CERS6: variants seen among roughly 807,000 people sequenced by gnomAD.
CERS6 encodes ceramide synthase 6, also known as LAG1 homolog, ceramide synthase 6.
A neutral mutation model predicts 56.8 loss-of-function variants in CERS6; 26 were observed. That is an observed-to-expected ratio of 0.46 (90% CI 0.34 to 0.63). The LOEUF (loss-of-function observed/expected upper bound fraction) is 0.63, where lower values mean the gene tolerates loss of function less well. Ranked by LOEUF, CERS6 falls within the 30% of genes least tolerant of loss-of-function variation. The pLI, the probability that CERS6 is intolerant of heterozygous loss-of-function variation, is 0.01. For synonymous variants in CERS6, 164 were observed against 173.3 expected, an observed-to-expected ratio of 0.95 and a Z score of 0.42; for missense variants, 415 against 467.5, an observed-to-expected ratio of 0.89 and a Z score of 1.04.
chr2:168,509,840 G>A (rs1046648579), intron 1 of CERS6, among the ~76,000 whole-genome samples: 1 of 152,118 alleles, frequency 6.6e-6, no homozygotes, highest in African/African-American at 2.4e-5. Context: ...GCAGGAGGAT[G>A]ACTTGAGGCT....
intron 1 of CERS6, among the ~76,000 whole-genome samples, chr2:168,543,307 C>A (rs185073660): frequency 5.4e-4 from 82 of 152,216 alleles, no homozygotes; most frequent in Non-Finnish European, 1.0e-3. Flanking sequence ...ATAGAGGTAA[C>A]CATCAAAGCT....
intron 8 of CERS6, among the ~76,000 whole-genome samples, chr2:168,729,415 C>T (rs1225570978): frequency 6.6e-6 from 1 of 152,244 alleles, no homozygotes; most frequent in African/African-American, 2.4e-5. Flanking sequence ...TCTCCATCCT[C>T]ACTTCCCATC....
chr2:168,493,129 C>G (rs182646450), intron 1 of CERS6, among the ~76,000 whole-genome samples: 43 of 152,162 alleles, frequency 2.8e-4, no homozygotes, highest in Non-Finnish European at 5.0e-4. Context: ...ATTTTTTATG[C>G]TAAATTTCTG....
At chr2:168,553,089 C>T (rs1348514748) in intron 2 of CERS6, among the ~76,000 whole-genome samples, 1 of 151,860 alleles carries the variant, frequency 6.6e-6, no homozygotes, top group Non-Finnish European at 1.5e-5. Context: ...GTACCAAATC[C>T]ATCACAGAAA....
chr2:168,643,868 C>T (rs1049242574), intron 4 of CERS6, among the ~76,000 whole-genome samples: 6 of 152,188 alleles, frequency 3.9e-5, no homozygotes, highest in East Asian at 1.9e-4. Context: ...TCTGCAGTTT[C>T]TTTTGCCATA....
At chr2:168,608,476 A>G (rs1488057455) in intron 3 of CERS6, among the ~76,000 whole-genome samples, 2 of 152,256 alleles carry the variant, frequency 1.3e-5, no homozygotes, top group African/African-American at 4.8e-5. Flanking sequence ...AAACTTTCTA[A>G]GATACACCAT....
At chr2:168,686,228 C>G (rs1309486640) in intron 4 of CERS6, among the ~76,000 whole-genome samples, 1 of 150,706 alleles carries the variant, frequency 6.6e-6, no homozygotes, top group Non-Finnish European at 1.5e-5. Flanking sequence ...ACTTGGTCTT[C>G]CCTCTGAGCA....
intron 3 of CERS6, among the ~76,000 whole-genome samples, chr2:168,625,995 A>T (rs748225921): frequency 2.3e-4 from 35 of 152,138 alleles, no homozygotes; most frequent in Non-Finnish European, 5.1e-4. Context: ...TTTTAGGTAT[A>T]AAATCAGGAA....
intron 4 of CERS6, among the ~76,000 whole-genome samples, chr2:168,658,649 G>C (rs1685552206): frequency 6.6e-6 from 1 of 152,198 alleles, no homozygotes. Context: ...TTGAGTGTTT[G>C]CCTCCTTTGA....
intron 1 of CERS6, among the ~76,000 whole-genome samples, chr2:168,468,143 T>TG (rs1182922847): frequency 1.3e-5 from 2 of 152,086 alleles, no homozygotes; most frequent in African/African-American, 4.8e-5. Context: ...GTTAAACAAG[T>TG]GGGGGGCCGC....
chr2:168,575,718 A>T (rs1244361612), intron 3 of CERS6, among the ~76,000 whole-genome samples: 1 of 152,082 alleles, frequency 6.6e-6, no homozygotes, highest in African/African-American at 2.4e-5. Context: ...ACAAGTTTTT[A>T]TTCTTTTCCT....
chr2:168,550,422 C>T (rs1695545361), intron 2 of CERS6, among the ~76,000 whole-genome samples: 1 of 152,196 alleles, frequency 6.6e-6, no homozygotes, highest in Non-Finnish European at 1.5e-5. Flanking sequence ...AAGCAATCCT[C>T]CTGCCTCAGC....
intron 8 of CERS6, among the ~76,000 whole-genome samples, chr2:168,746,041 C>A (rs1357110377): frequency 6.6e-6 from 1 of 152,180 alleles, no homozygotes; most frequent in Non-Finnish European, 1.5e-5. Context: ...GGTCAGGAAT[C>A]CCCAGATTCA....
At chr2:168,574,166 A>G (rs1279939342) in intron 3 of CERS6, among the ~76,000 whole-genome samples, 1 of 152,144 alleles carries the variant, frequency 6.6e-6, no homozygotes, top group Non-Finnish European at 1.5e-5. Flanking sequence ...TACTGATTCT[A>G]GTTCTGAAAT....
chr2:168,528,192 A>G (rs755595560), intron 1 of CERS6, among the ~76,000 whole-genome samples: 5 of 152,186 alleles, frequency 3.3e-5, no homozygotes, highest in Non-Finnish European at 7.3e-5. Flanking sequence ...ATTTACTATT[A>G]TAGTATTACA....
chr2:168,679,278 C>T lies in CERS6; in HGVS notation c.466-11756C>T, dbSNP rs543158329. The stretch of plus-strand genomic sequence containing the variant: ...TGCAAAATAGGGCAACTATGCTTAA[C>T]GGTAGGATATTGTATATTACAAAAT... On this transcript the variant is annotated intron_variant, in intron 4 of 9. Coordinates refer to ENST00000305747, the MANE Select transcript of CERS6 (RefSeq NM_203463.3). 1.6e-4 allele frequency among the ~76,000 whole-genome samples: 24 copies of T among 152,184 alleles called. No homozygotes were observed. The South Asian group carries it at 1.7e-3, about 11-fold the overall frequency.
chr2:168,659,344 C>T (rs574341194), intron 4 of CERS6, among the ~76,000 whole-genome samples: 1 of 152,258 alleles, frequency 6.6e-6, no homozygotes, highest in Admixed American at 6.5e-5. Context: ...CTTTTCTCTC[C>T]CTCACACGAT....
chr2:168,579,186 T>A (rs190419150), intron 3 of CERS6, among the ~76,000 whole-genome samples: 1 of 152,302 alleles, frequency 6.6e-6, no homozygotes, highest in Admixed American at 6.5e-5. Flanking sequence ...AAGGGAAAGT[T>A]GTAAAAATTA....
intron 1 of CERS6, among the ~76,000 whole-genome samples, chr2:168,464,171 T>A (rs1271021352): frequency 1.7e-5 from 2 of 115,600 alleles, no homozygotes; most frequent in Non-Finnish European, 3.6e-5. Flanking sequence ...ATATTTATAC[T>A]TTTTGTGTGT....
Sources: allele counts gnomAD v4.1 joint callset (sites outside exome capture counted in the v4.1 genomes callset), GRCh38; gene constraint gnomAD v4.1.1; transcripts MANE v1.5; gene names NCBI Gene and HGNC (gene_info 2026-07-23, HGNC 2026-07-21).